Variants in INSL6 observed in about 807,000 individuals in gnomAD.
The protein encoded by INSL6 is insulin-like peptide INSL6.
In INSL6, 16 loss-of-function variants were observed where a neutral mutation model predicts 9.4. The observed-to-expected ratio is 1.70, with a 90% CI of 1.15 to 2.59. The LOEUF (loss-of-function observed/expected upper bound fraction) is 2.59, where lower values mean the gene tolerates loss of function less well. Among genes scored for constraint, INSL6 ranks in the 30% most tolerant of loss-of-function variants. INSL6 has a pLI of 0.00. For missense variants in INSL6, 391 were observed against 257.3 expected (o/e 1.52, Z -3.56); for synonymous variants, 154 against 96.9 (o/e 1.59, Z -3.46).
chr9:5,071,512 T>TCATTGA, the INSL6 span, among the ~76,000 whole-genome samples: 1 of 152,182 alleles, frequency 6.6e-6, no homozygotes, highest in Non-Finnish European at 1.5e-5. Context: ...ATAAATATCC[T>TCATTGA]CATTGACATT....
chr9:5,090,221 G>A, the INSL6 span, among the ~76,000 whole-genome samples: 1 of 152,174 alleles, frequency 6.6e-6, no homozygotes, highest in Non-Finnish European at 1.5e-5. Context: ...TGCCTGAAGA[G>A]TTATAGAAAA....
chr9:5,075,512 C>T, the INSL6 span, among the ~76,000 whole-genome samples: 2 of 152,298 alleles, frequency 1.3e-5, no homozygotes, highest in Non-Finnish European at 2.9e-5. Flanking sequence ...GTCTACTCTG[C>T]CTGTGCTCTA....
At chr9:5,021,938 G>C in the INSL6 span, 1 of 1,414,320 alleles carries the variant, frequency 7.1e-7, no homozygotes, top group Non-Finnish European at 1.0e-6. Flanking sequence ...CAGCCCATTT[G>C]TAACTTTATT....
At chr9:5,158,606 T>C (rs190551875) in intron 2 of INSL6, among the ~76,000 whole-genome samples, 19 of 151,834 alleles carry the variant, frequency 1.3e-4, no homozygotes, top group African/African-American at 4.1e-4. Flanking sequence ...GGAAAAAAAA[T>C]CTTTTGCCCT....
At chr9:5,041,562 A>G in the INSL6 span, 10,603 of 521,824 alleles carry the variant, frequency 0.02, 164 homozygotes, top group Non-Finnish European at 0.031. Flanking sequence ...GGAGATGGCT[A>G]CGTACCTGCA....
chr9:5,149,831 A>T (rs989198968), intron 2 of INSL6, among the ~76,000 whole-genome samples: 1 of 152,238 alleles, frequency 6.6e-6, no homozygotes, highest in Admixed American at 6.5e-5. Context: ...GTATCACATT[A>T]TGTGACTTCA....
the INSL6 span, among the ~76,000 whole-genome samples, chr9:5,005,778 T>G: frequency 6.6e-6 from 1 of 152,236 alleles, no homozygotes; most frequent in Non-Finnish European, 1.5e-5. Flanking sequence ...GCAAAGTCAC[T>G]GGGCATTACA....
At chr9:5,114,840 T>C in the INSL6 span, 1 of 249,352 alleles carries the variant, frequency 4.0e-6, no homozygotes, top group Non-Finnish European at 7.9e-6. Context: ...TAGGGCTCTG[T>C]CCAGCTGTGT....
intron 1 of INSL6, among the ~76,000 whole-genome samples, chr9:5,180,079 C>T (rs568668624): frequency 2.0e-4 from 30 of 152,296 alleles, no homozygotes; most frequent in Middle Eastern, 6.8e-3. Context: ...GGACCCTGAA[C>T]GGAGGGACCG....
intron 3 of INSL6, chr9:5,128,178 A>T (rs773541477): frequency 1.3e-5 from 3 of 230,862 alleles, no homozygotes; most frequent in Admixed American, 5.7e-5. Context: ...ATAGTTTCTT[A>T]CTTTATTTTT....
the INSL6 span, among the ~76,000 whole-genome samples, chr9:4,994,988 G>A: frequency 0.14 from 21,684 of 152,100 alleles, 3,906 homozygotes; most frequent in African/African-American, 0.43. Flanking sequence ...TAGAAGAGGA[G>A]TTGCTGATTC....
the INSL6 span, among the ~76,000 whole-genome samples, chr9:5,035,799 C>A: frequency 6.6e-6 from 1 of 152,164 alleles, no homozygotes; most frequent in Non-Finnish European, 1.5e-5. Flanking sequence ...AAACTGGAAG[C>A]ATTCCCTTTG....
At chr9:5,080,898 T>C in the INSL6 span, among the ~76,000 whole-genome samples, 13 of 138,246 alleles carry the variant, frequency 9.4e-5, no homozygotes, top group African/African-American at 2.7e-4. Flanking sequence ...TTTTCTTTTT[T>C]TTTTTTTTTT....
At chr9:5,036,036 C>T in the INSL6 span, among the ~76,000 whole-genome samples, 3 of 152,224 alleles carry the variant, frequency 2.0e-5, no homozygotes, top group Non-Finnish European at 4.4e-5. Flanking sequence ...AGCAAAGTCT[C>T]AGCATACAAA....
At chr9:5,118,879 A>C in the INSL6 span, among the ~76,000 whole-genome samples, 2 of 152,196 alleles carry the variant, frequency 1.3e-5, no homozygotes, top group Non-Finnish European at 2.9e-5. Flanking sequence ...CTTGACTTTC[A>C]AAAATGAGTT....
the INSL6 span, among the ~76,000 whole-genome samples, chr9:5,047,345 G>A: frequency 2.6e-5 from 4 of 152,218 alleles, no homozygotes; most frequent in Admixed American, 6.5e-5. Flanking sequence ...CCTGTAGGAA[G>A]ACAGATTTGG....
chr9:5,151,458 T>C lies in INSL6; in HGVS notation c.376+12721A>G, dbSNP rs746738320. On this transcript the variant is annotated intron_variant, in intron 2 of 3. Coordinates refer to the INSL6 transcript ENST00000649639. Reference sequence around the variant, plus strand: ...ATAAAAATGTTTGTGTGGTTTATAATGCATGCAGCAGTAAAATGTATGGCA... The same window carrying C: ...ATAAAAATGTTTGTGTGGTTTATAACGCATGCAGCAGTAAAATGTATGGCA... Among the ~76,000 whole-genome samples, 32 of 152,072 alleles carry C rather than the reference T, an allele frequency of 2.1e-4. 1 individual carries two copies. Among genetic ancestry groups the C allele is most frequent in the Non-Finnish European group, 4.4e-4 (30 of 68,008 alleles).
the INSL6 span, chr9:5,041,153 C>T: frequency 3.6e-5 from 41 of 1,148,652 alleles, no homozygotes; most frequent in Non-Finnish European, 4.6e-5. Flanking sequence ...GCTGATCACG[C>T]GCATGGATTA....
chr9:5,183,932 T>C (rs1009101194), intron 1 of INSL6, among the ~76,000 whole-genome samples: 2 of 152,146 alleles, frequency 1.3e-5, no homozygotes, highest in Non-Finnish European at 1.5e-5. Context: ...GATTCCCAAA[T>C]GATTCATATG....
Sources: gnomAD v4.1 joint callset for allele counts (sites outside exome capture counted in the v4.1 genomes callset) on GRCh38, gnomAD v4.1.1 for gene constraint, MANE v1.5 for transcripts, NCBI Gene and HGNC (gene_info 2026-07-23, HGNC 2026-07-21) for gene names.